The following DKK3 variants were observed in gnomAD, a reference collection of about 807,000 sequenced individuals.
The protein encoded by DKK3 is dickkopf-related protein 3.
DKK3 carries 22 observed loss-of-function variants against 33.2 expected under a neutral mutation model. That is an observed-to-expected ratio of 0.66 (90% CI 0.47 to 0.95). The LOEUF (loss-of-function observed/expected upper bound fraction) is 0.95. DKK3 is among the 40% of genes least tolerant of loss of function. The pLI is 0.00. For synonymous variants in DKK3, 194 were observed against 188.8 expected (o/e 1.03, Z -0.23); for missense variants, 398 against 458.4 (o/e 0.87, Z 1.20).
At chr11:11,988,624 C>A (rs1233894602) in intron 3 of DKK3, among the ~76,000 whole-genome samples, 1 of 152,196 alleles carries the variant, frequency 6.6e-6, no homozygotes, top group Non-Finnish European at 1.5e-5. Context: ...GAGTCTGGAG[C>A]CCCTTTACAG....
intron 4 of DKK3, among the ~76,000 whole-genome samples, chr11:11,967,934 C>G (rs1224693069): frequency 6.6e-6 from 1 of 152,164 alleles, no homozygotes; most frequent in Non-Finnish European, 1.5e-5. Flanking sequence ...GCTCTCCCTG[C>G]CTGGGGGCTG....
chr11:11,985,289 C>T (rs568813053), intron 3 of DKK3, among the ~76,000 whole-genome samples: 1 of 152,318 alleles, frequency 6.6e-6, no homozygotes, highest in East Asian at 1.9e-4. Context: ...GCTCTCCAAG[C>T]CAAGACTCAG....
At chr11:11,972,598 TTG>T (rs1281691336) in intron 3 of DKK3, among the ~76,000 whole-genome samples, 3 of 152,170 alleles carry the variant, frequency 2.0e-5, no homozygotes, top group Admixed American at 1.3e-4. Context: ...TTCCCAGTGT[TTG>T]TTAGACCTGA....
intron 3 of DKK3, among the ~76,000 whole-genome samples, chr11:11,986,374 C>T (rs1848071100): frequency 6.6e-6 from 1 of 152,306 alleles, no homozygotes; most frequent in South Asian, 2.1e-4. Flanking sequence ...TCCTTTTCAG[C>T]AGCAGCAAGT....
At chr11:11,971,831 G>GA (rs970866927) in intron 3 of DKK3, among the ~76,000 whole-genome samples, 2 of 152,064 alleles carry the variant, frequency 1.3e-5, no homozygotes, top group East Asian at 3.9e-4. Flanking sequence ...TCTAGGTACG[G>GA]AAAAAAAATT....
chr11:11,967,021 G>T lies in DKK3; in HGVS notation c.606C>A (p.Gly202=). 1 of 1,613,984 alleles carries T rather than the reference G, an allele frequency of 6.2e-7. No homozygotes were observed. The highest frequency in any genetic ancestry group is 8.5e-7 in the Non-Finnish European group (1 of 1,180,010). The part of the protein sequence containing the change: ...WGHCTKMATR[G]SNGTICDNQR... Reference sequence around the variant, plus strand: ...GGTTGTCACAGATGGTCCCATTGCTGCCCCTGGTGGCCATTTTGGTGCAGT... The same window carrying T: ...GGTTGTCACAGATGGTCCCATTGCTTCCCCTGGTGGCCATTTTGGTGCAGT... Residue 202 remains glycine, a synonymous_variant, in exon 5 of 7, where the codon GGC becomes GGA. Coordinates refer to ENST00000683431, the MANE Select transcript of DKK3 (RefSeq NM_001018057.2).
intron 3 of DKK3, among the ~76,000 whole-genome samples, chr11:11,994,147 TC>T (rs1397609273): frequency 1.3e-5 from 2 of 152,130 alleles, no homozygotes; most frequent in African/African-American, 4.8e-5. Flanking sequence ...TGGAGACCTT[TC>T]GCATCTCCCC....
chr11:12,008,819 C>T, upstream of DKK3: 3 of 1,174,786 alleles, frequency 2.6e-6, no homozygotes, highest in South Asian at 4.3e-5. The surrounding 1 kb of genome is among the most constrained non-coding windows in gnomAD (Gnocchi z 4.6). Flanking sequence ...CCCGATCGCC[C>T]CAGGACCCCG....
chr11:12,001,797 A>G (rs1737892752), intron 2 of DKK3: 1 of 152,354 alleles, frequency 6.6e-6, no homozygotes, highest in Non-Finnish European at 1.5e-5. Context: ...TGAACGCACA[A>G]CCAGCAAATG....
chr11:12,003,036 C>T (rs1286023457), intron 1 of DKK3, among the ~76,000 whole-genome samples: 1 of 152,232 alleles, frequency 6.6e-6, no homozygotes, highest in Non-Finnish European at 1.5e-5. Flanking sequence ...TACGTAGTCT[C>T]CCTCTAAGGC....
intron 3 of DKK3, among the ~76,000 whole-genome samples, chr11:11,993,171 A>C (rs949900352): frequency 6.6e-6 from 1 of 151,534 alleles, no homozygotes; most frequent in Non-Finnish European, 1.5e-5. Context: ...TGTTTAGACC[A>C]AAATTGTAAA....
intron 3 of DKK3, among the ~76,000 whole-genome samples, chr11:11,992,054 C>T (rs999295775): frequency 2.2e-4 from 33 of 152,168 alleles, no homozygotes; most frequent in Non-Finnish European, 2.9e-5. Context: ...CTGCCAAAAA[C>T]GTAGCAGGTA....
chr11:11,990,764 C>T (rs1848171033), intron 3 of DKK3, among the ~76,000 whole-genome samples: 1 of 152,164 alleles, frequency 6.6e-6, no homozygotes, highest in Non-Finnish European at 1.5e-5. Flanking sequence ...TTCCACATGC[C>T]TCCTTGACTT....
At chr11:11,978,138 C>A (rs1847874976) in intron 3 of DKK3, among the ~76,000 whole-genome samples, 1 of 152,082 alleles carries the variant, frequency 6.6e-6, no homozygotes, top group South Asian at 2.1e-4. Flanking sequence ...TCAACAGGTG[C>A]ATTTCTTGGA....
intron 5 of DKK3, among the ~76,000 whole-genome samples, chr11:11,966,275 G>A (rs1208641048): frequency 6.6e-6 from 1 of 152,200 alleles, no homozygotes; most frequent in Non-Finnish European, 1.5e-5. Context: ...ACCAGCAAAG[G>A]CCTGGGGTTG....
intron 3 of DKK3, among the ~76,000 whole-genome samples, chr11:11,990,083 G>A (rs1848157276): frequency 6.6e-6 from 1 of 152,212 alleles, no homozygotes; most frequent in Non-Finnish European, 1.5e-5. Context: ...AACAGGTAAA[G>A]AAGGACAGGG....
In DKK3 at chr11:12,008,316, C is replaced by A; in HGVS notation, c.213+54G>T. 1 of 1,549,750 alleles carries A rather than the reference C, an allele frequency of 6.5e-7. No homozygotes were observed. Among genetic ancestry groups the A allele is most frequent in the South Asian group, 1.2e-5 (1 of 83,712 alleles). On this transcript the variant is annotated intron_variant, in intron 1 of 6. Transcript: ENST00000683431. The surrounding 1 kb of genome is among the most constrained non-coding windows in gnomAD (Gnocchi z 4.6). ...CGCTCTTCCATGCCTTCCCAGACTT[C>A]GCTGCCCCCAGTCTGGCGCTTCTCA...
At chr11:12,009,396 C>T, upstream of DKK3, 1 of 974,236 alleles carries the variant, frequency 1.0e-6, no homozygotes, top group Non-Finnish European at 1.2e-6. Flanking sequence ...GCCCGCCCAC[C>T]AGGCCCACCC....
chr11:12,005,305 C>A (rs1420939766), intron 1 of DKK3, among the ~76,000 whole-genome samples: 2 of 152,278 alleles, frequency 1.3e-5, no homozygotes, highest in African/African-American at 4.8e-5. Flanking sequence ...ATTTCAACCG[C>A]AACTATTATT....
Sources: allele counts gnomAD v4.1 joint callset (sites outside exome capture counted in the v4.1 genomes callset), GRCh38; gene constraint gnomAD v4.1.1; non-coding constraint Gnocchi (gnomAD v3.1); transcripts MANE v1.5; gene names NCBI Gene and HGNC (gene_info 2026-07-23, HGNC 2026-07-21).